The following PDCD6IP variants were observed in gnomAD, a reference collection of about 807,000 sequenced individuals.
PDCD6IP encodes the protein programmed cell death 6 interacting protein.
Under a neutral mutation model 103.7 loss-of-function variants are expected in PDCD6IP, and 43 were observed. That is an observed-to-expected ratio of 0.41 (90% CI 0.32 to 0.53). PDCD6IP has a LOEUF of 0.53. Among genes scored for constraint, PDCD6IP ranks in the 20% least tolerant of loss-of-function variants. The pLI is 0.16. For missense variants in PDCD6IP, 871 were observed against 1,036.7 expected (o/e 0.84, Z 2.20); for synonymous variants, 354 against 378.7 (o/e 0.93, Z 0.76).
chr3:33,832,869 G>T (rs138929241), intron 7 of PDCD6IP, among the ~76,000 whole-genome samples: 36 of 151,898 alleles, frequency 2.4e-4, no homozygotes, highest in African/African-American at 8.7e-4. Context: ...GACTATTCTT[G>T]CATGTGTTTC....
chr3:33,828,335 G>A (rs1697173933), intron 6 of PDCD6IP: 1 of 152,054 alleles, frequency 6.6e-6, no homozygotes, highest in Non-Finnish European at 1.5e-5. Flanking sequence ...AACTCTCTTA[G>A]GATATGAATT....
intron 10 of PDCD6IP, among the ~76,000 whole-genome samples, chr3:33,842,842 A>G (rs572646927): frequency 6.6e-6 from 1 of 152,330 alleles, no homozygotes; most frequent in Admixed American, 6.5e-5. Context: ...TCCAAGATCC[A>G]GTACAGAATA....
At chr3:33,863,947 T>C in intron 15 of PDCD6IP, 59 bp from the exon 16 acceptor site, 1 of 1,102,046 alleles carries the variant, frequency 9.1e-7, no homozygotes, top group Non-Finnish European at 1.4e-6. Flanking sequence ...AAAGCTGATA[T>C]TTTATGTGTG....
intron 15 of PDCD6IP, among the ~76,000 whole-genome samples, chr3:33,855,526 G>T (rs1240598532): frequency 6.6e-6 from 1 of 152,206 alleles, no homozygotes; most frequent in Non-Finnish European, 1.5e-5. Flanking sequence ...CAGATCTCAG[G>T]AAGTGCCAGT....
chr3:33,866,303 T>G (rs1203780273), intron 17 of PDCD6IP, 48 bp from the exon 18 acceptor site: 16 of 1,132,894 alleles, frequency 1.4e-5, no homozygotes, highest in African/African-American at 4.8e-5. Context: ...TGTTTTATTT[T>G]TTAGTATTTG....
intron 15 of PDCD6IP, among the ~76,000 whole-genome samples, chr3:33,861,693 G>C (rs2125452294): frequency 6.6e-6 from 1 of 152,282 alleles, no homozygotes; most frequent in East Asian, 1.9e-4. Context: ...AGTCCTGGTT[G>C]CTCCACATTT....
At chr3:33,798,987 C>G (rs1696401021) in intron 1 of PDCD6IP, 50 bp downstream of exon 1, 4 of 1,424,658 alleles carry the variant, frequency 2.8e-6, no homozygotes, top group Non-Finnish European at 3.8e-6. Context: ...CGTCGCTCGC[C>G]GCTCCTCTTC....
chr3:33,834,065 CCTTT>C (rs1697295722), intron 7 of PDCD6IP, among the ~76,000 whole-genome samples: 1 of 152,004 alleles, frequency 6.6e-6, no homozygotes, highest in Non-Finnish European at 1.5e-5. Flanking sequence ...GTGCTTATGC[CCTTT>C]CTTCTCCCTC....
chr3:33,859,839 A>T (rs1697912970), intron 15 of PDCD6IP, among the ~76,000 whole-genome samples: 1 of 152,216 alleles, frequency 6.6e-6, no homozygotes, highest in South Asian at 2.1e-4. Flanking sequence ...TATTCTGAGG[A>T]TATATTAGAA....
chr3:33,858,282 C>A (rs532322123), intron 15 of PDCD6IP, among the ~76,000 whole-genome samples: 1 of 152,244 alleles, frequency 6.6e-6, no homozygotes, highest in African/African-American at 2.4e-5. Context: ...AAAACATGTT[C>A]TTGGACAGGA....
intron 1 of PDCD6IP, among the ~76,000 whole-genome samples, chr3:33,802,560 G>C (rs1195688564): frequency 6.6e-6 from 1 of 151,250 alleles, no homozygotes; most frequent in Admixed American, 6.6e-5. Flanking sequence ...CATGATCTCG[G>C]CTCACCACAA....
In PDCD6IP at chr3:33,833,916, C is replaced by T. The variant is rs566814807; in HGVS notation, c.835-2128C>T. Reference sequence around the variant, plus strand: ...AAGGGCTCCCTCCTAAGGTCCACTTCTCTGGCTCTTAAAGCCTACCCTGGA... The same window carrying T: ...AAGGGCTCCCTCCTAAGGTCCACTTTTCTGGCTCTTAAAGCCTACCCTGGA... On this transcript the variant is annotated intron_variant, in intron 7 of 17. Transcript: ENST00000307296. 3.3e-5 allele frequency among the ~76,000 whole-genome samples: 5 copies of T among 152,278 alleles called. No individual in the cohort carries two copies. The South Asian group carries it at 8.3e-4, about 25-fold the overall frequency.
Position 33,836,233 on chromosome 3 carries a change from C to T in PDCD6IP, c.1024C>T (p.Pro342Ser), listed in dbSNP as rs1697345981. 6 of 1,611,144 alleles carry T rather than the reference C, an allele frequency of 3.7e-6. No individual in the cohort carries two copies. Among genetic ancestry groups the T allele is most frequent in the Non-Finnish European group, 5.1e-6 (6 of 1,177,362 alleles). ...CAAAGCCACACTTGTGAAATCTACC[C>T]CGGTCAATGTACCCATCAGTCAGAA... is the stretch of plus-strand genomic sequence containing the variant. ...IGKATLVKST[P>S]VNVPISQKFT... The change falls in exon 8 of 18, where the codon CCG becomes TCG. Residue 342 changes from proline (P) to serine (S), a missense_variant. This residue lies in a region of PDCD6IP where 242 missense variants were observed against 250.7 expected (regional missense o/e 0.97). Transcript: ENST00000307296.
At chr3:33,824,791 G>C (rs143727727) in intron 4 of PDCD6IP, among the ~76,000 whole-genome samples, 1 of 152,220 alleles carries the variant, frequency 6.6e-6, no homozygotes, top group Admixed American at 6.5e-5. Context: ...CCCTAACTAC[G>C]GCATGTTTAA....
rs34438974 is a variant in PDCD6IP, at chr3:33,811,942, CTT to C, written c.210-124_210-123del. On this transcript the variant is annotated intron_variant, in intron 1 of 17. Transcript: ENST00000307296. The stretch of plus-strand genomic sequence containing the variant: ...AGCTTCTGGTTTACGTATTAAAAAA[CTT>C]TTTTTCATATAAAATAGCTGCTCAA... The C allele has an allele frequency of 9.3e-6, 12 of 1,286,756 alleles. 1 individual carries two copies. The highest frequency in any genetic ancestry group is 3.7e-5 in the South Asian group (2 of 53,548). 79.7% of individuals were successfully genotyped at this position (1,286,756 alleles called of 1,614,324 possible).
chr3:33,815,347 G>A (rs966577863), intron 3 of PDCD6IP, among the ~76,000 whole-genome samples: 10 of 151,964 alleles, frequency 6.6e-5, no homozygotes, highest in Non-Finnish European at 1.3e-4. Flanking sequence ...TGTTTATTGG[G>A]CATTTATTTT....
chr3:33,817,511 G>C (rs1696880841), intron 3 of PDCD6IP, among the ~76,000 whole-genome samples: 1 of 152,014 alleles, frequency 6.6e-6, no homozygotes, highest in South Asian at 2.1e-4. Flanking sequence ...CCCAGTACTT[G>C]GGGAGGCCAA....
intron 1 of PDCD6IP, among the ~76,000 whole-genome samples, chr3:33,807,087 G>A (rs1696615715): frequency 6.6e-6 from 1 of 152,200 alleles, no homozygotes. Context: ...TAAATGCCCT[G>A]TTCCCCCCAT....
At position 33,798,782 on chromosome 3, in the gene PDCD6IP, C is replaced by T. The variant is rs779257483; in HGVS notation, c.54C>T (p.Ala18=). 1.0e-5 allele frequency: 16 copies of T among 1,572,458 alleles called. No individual in the cohort carries two copies. The Admixed American group carries it at 1.5e-4, about 15-fold the overall frequency. ...AAAAGACCTCAGAGGTGGACCTGGC[C>T]AAGCCGCTGGTGAAGTTCATCCAGC... is the stretch of plus-strand genomic sequence containing the variant. ...QLKKTSEVDL[A]KPLVKFIQQT... is the part of the protein sequence containing the mutation. Residue 18 remains alanine (A), a synonymous_variant, in exon 1 of 18, where the codon GCC becomes GCT. Coordinates refer to ENST00000307296, the MANE Select transcript of PDCD6IP (RefSeq NM_013374.6).
Sources: gnomAD v4.1 joint callset for allele counts (sites outside exome capture counted in the v4.1 genomes callset) on GRCh38, gnomAD v4.1.1 for gene constraint, gnomAD v4.1.1 regional missense constraint, MANE v1.5 for transcripts, NCBI Gene and HGNC (gene_info 2026-07-23, HGNC 2026-07-21) for gene names.